The following NEDD4 variants were observed in gnomAD, a reference collection of about 807,000 sequenced individuals.
NEDD4 encodes NEDD4 E3 ubiquitin protein ligase.
Under a neutral mutation model 144.9 loss-of-function variants are expected in NEDD4, and 99 were observed. The observed-to-expected ratio is 0.68, with a 90% CI of 0.58 to 0.81. The LOEUF is 0.81. Among genes scored for constraint, NEDD4 ranks in the 30% least tolerant of loss-of-function variants. The pLI is 0.00. For missense variants in NEDD4, 985 were observed against 1,065.9 expected (o/e 0.92, Z 1.06); for synonymous variants, 318 against 350.6 (o/e 0.91, Z 1.04).
chr15:55,840,397 G>T, intron 21 of NEDD4, 50 bp downstream of exon 21: 1 of 1,488,112 alleles, frequency 6.7e-7, no homozygotes, highest in South Asian at 1.3e-5. Flanking sequence ...AAATGTTCAA[G>T]CTGCTTGTTA....
intron 1 of NEDD4, among the ~76,000 whole-genome samples, chr15:55,973,835 C>CA (rs879352706): frequency 0.019 from 2,531 of 130,790 alleles, 44 homozygotes; most frequent in African/African-American, 0.052. Flanking sequence ...AGAAAAACTT[C>CA]AAAAAAAAAA....
chr15:55,943,178 T>C (rs1352567221), intron 4 of NEDD4, among the ~76,000 whole-genome samples: 1 of 152,170 alleles, frequency 6.6e-6, no homozygotes, highest in Non-Finnish European at 1.5e-5. Context: ...GGAACTTATA[T>C]TTAAAAGGAA....
Position 55,841,944 on chromosome 15 carries a change from A to G in NEDD4, c.1828T>C (p.Tyr610His). The stretch of plus-strand genomic sequence containing the variant: ...TGTAAAGGTACTTACGTAGCAGAAT[A>G]TTCAAACAACCCATAATAAGGGTTA... ...MFNPYYGLFE[Y>H]SATDNYTLQI... Residue 610 changes from tyrosine to histidine, a missense_variant, in exon 19 of 29, where the codon TAT becomes CAT. Tyr to His is a moderately conservative substitution (Grantham distance 83). Transcript: ENST00000435532. 1 of 1,612,612 alleles carries G rather than the reference A, an allele frequency of 6.2e-7. No individual in the cohort carries two copies. Among genetic ancestry groups the G allele is most frequent in the Non-Finnish European group, 8.5e-7 (1 of 1,178,582 alleles).
At chr15:55,935,875 CA>C (rs1215167632) in intron 4 of NEDD4, among the ~76,000 whole-genome samples, 2 of 147,632 alleles carry the variant, frequency 1.4e-5, no homozygotes, top group Non-Finnish European at 3.0e-5. Flanking sequence ...AGATACTCAG[CA>C]AAAAGCTCTC....
intron 5 of NEDD4, chr15:55,915,489 T>C: frequency 6.2e-7 from 1 of 1,613,770 alleles, no homozygotes; most frequent in Non-Finnish European, 8.5e-7. Context: ...ACCATGGTTT[T>C]TGTTCATCTG....
chr15:55,917,219 C>T lies in NEDD4; in HGVS notation c.291+7427G>A, dbSNP rs929660752. ...TAACACAAGAACAACAATCTTCTAA[C>T]ATTTCAAGTTGAAACAGTATTTTTT... On this transcript the variant is annotated intron_variant, in intron 5 of 28. Transcript: ENST00000435532. 9.6e-6 allele frequency: 9 copies of T among 935,090 alleles called. No homozygotes were observed. The Admixed American group carries it at 2.1e-4, about 22-fold the overall frequency. The allele number at this position is 935,090 out of a possible 1,614,324, so 57.9% of individuals were successfully genotyped here. A position where few individuals can be genotyped will look rare whatever the true frequency, so the allele number is the denominator to read the frequency against.
intron 18 of NEDD4, among the ~76,000 whole-genome samples, chr15:55,843,336 T>C (rs1212187037): frequency 7.2e-5 from 11 of 152,252 alleles, no homozygotes; most frequent in Admixed American, 5.2e-4. Context: ...TATTATTGTC[T>C]TCATTTTACA....
chr15:55,933,106 G>A (rs1220692406), intron 4 of NEDD4, among the ~76,000 whole-genome samples: 1 of 152,162 alleles, frequency 6.6e-6, no homozygotes, highest in Non-Finnish European at 1.5e-5. Context: ...TTCAACCATT[G>A]TGGAAGACAG....
intron 12 of NEDD4, among the ~76,000 whole-genome samples, chr15:55,853,787 G>A (rs1453976205): frequency 6.6e-6 from 1 of 152,108 alleles, no homozygotes; most frequent in Non-Finnish European, 1.5e-5. Flanking sequence ...TCAGGAAGTC[G>A]AGGCCAGCCT....
intron 5 of NEDD4, among the ~76,000 whole-genome samples, chr15:55,923,838 T>TTTA (rs371395399): frequency 2.0e-5 from 3 of 150,400 alleles, no homozygotes; most frequent in Admixed American, 1.3e-4. Context: ...GACTTTTTTT[T>TTTA]AAAAAAAAAG....
chr15:55,949,406 A>T lies in NEDD4; in HGVS notation c.237+1970T>A, dbSNP rs1461499944. On this transcript the variant is annotated intron_variant, in intron 4 of 28. Transcript: ENST00000435532. ...AAGACAGTGTGGCGATTCCTCAAGG[A>T]TCTAGAACAAGAAATACCATTTGAC... is the stretch of plus-strand genomic sequence containing the variant. Among the ~76,000 whole-genome samples the T allele has an allele frequency of 2.0e-5, 3 of 152,206 alleles. No homozygotes were observed. The East Asian group carries it at 5.8e-4, about 29-fold the overall frequency.
At chr15:55,838,214 T>G (rs768939431) in intron 22 of NEDD4, 34 bp from the exon 23 acceptor site, 1 of 1,436,802 alleles carries the variant, frequency 7.0e-7, no homozygotes, top group Admixed American at 2.0e-5. Context: ...ATATGTTATT[T>G]TAGCGAGAAA....
At chr15:55,830,775 C>T in intron 27 of NEDD4, among the ~76,000 whole-genome samples, 189 bp from the exon 28 acceptor site, 1 of 152,220 alleles carries the variant, frequency 6.6e-6, no homozygotes, top group East Asian at 1.9e-4. Context: ...TTCAAGCTCA[C>T]TGTAGCCTCA....
rs1426779425 is a variant in NEDD4, at chr15:55,829,953, A to G, written c.2647T>C (p.Trp883Arg). 6.2e-6 allele frequency: 10 copies of G among 1,613,728 alleles called. No individual in the cohort carries two copies. Among genetic ancestry groups the G allele is most frequent in the Non-Finnish European group, 5.1e-6 (6 of 1,179,902 alleles). ...TCAATTGCCATCTGAAGTTTATCCC[A>G]TAATTCTTCAAATGATTCATAAGGT... ...LPPYESFEEL[W>R]DKLQMAIENT... Residue 883 changes from tryptophan to arginine, a missense_variant, in exon 29 of 29, where the codon TGG becomes CGG. Physicochemically the swap from Trp to Arg is moderately radical, Grantham distance 101. Transcript: ENST00000435532.
intron 5 of NEDD4, among the ~76,000 whole-genome samples, chr15:55,878,771 G>T (rs1379630294): frequency 6.6e-6 from 1 of 152,182 alleles, no homozygotes; most frequent in Admixed American, 6.5e-5. Flanking sequence ...TGAAATGAAC[G>T]GATATACAAA....
intron 5 of NEDD4, among the ~76,000 whole-genome samples, chr15:55,898,866 T>C (rs2035823507): frequency 6.6e-6 from 1 of 152,106 alleles, no homozygotes; most frequent in Admixed American, 6.6e-5. Context: ...GGTCTTGAAC[T>C]CCTGGGCTAA....
Position 55,957,280 on chromosome 15 carries a change from A to AT in NEDD4, c.120-5692dup, listed in dbSNP as rs199539849. ...TTACTTCTTCCTTTTTGACTGTGTG[A>AT]TTTTTTTTTCTTTGCCATACTACAT... On this transcript the variant is annotated intron_variant, in intron 2 of 28. Coordinates refer to ENST00000435532, the MANE Select transcript of NEDD4 (RefSeq NM_006154.4). Among the ~76,000 whole-genome samples, 735 of 151,560 alleles carry AT rather than the reference A, an allele frequency of 4.8e-3. 6 individuals carry two copies. Among genetic ancestry groups the AT allele is most frequent in the African/African-American group, 0.016 (649 of 41,338 alleles).
intron 5 of NEDD4, among the ~76,000 whole-genome samples, chr15:55,897,474 T>C (rs1566938793): frequency 1.3e-5 from 2 of 152,200 alleles, no homozygotes; most frequent in Non-Finnish European, 2.9e-5. Flanking sequence ...CAAAAGAAGA[T>C]GGTATCAGAT....
chr15:55,919,584 A>G (rs2036531155), intron 5 of NEDD4, among the ~76,000 whole-genome samples: 1 of 152,190 alleles, frequency 6.6e-6, no homozygotes, highest in African/African-American at 2.4e-5. Flanking sequence ...GTAGTCTCTC[A>G]GTCCAGCAAA....
Sources: gnomAD v4.1 joint callset for allele counts (sites outside exome capture counted in the v4.1 genomes callset) on GRCh38, gnomAD v4.1.1 for gene constraint, MANE v1.5 for transcripts, NCBI Gene and HGNC (gene_info 2026-07-23, HGNC 2026-07-21) for gene names.